Variants in IFT52 observed in about 807,000 individuals in gnomAD.
IFT52 encodes intraflagellar transport protein 52 homolog.
Under a neutral mutation model 54.4 loss-of-function variants are expected in IFT52, and 44 were observed. The observed-to-expected ratio is 0.81, with a 90% CI of 0.63 to 1.04. The LOEUF (loss-of-function observed/expected upper bound fraction) is 1.04. IFT52 is among the 50% of genes least tolerant of loss of function. The pLI is 0.00. For synonymous variants in IFT52, 181 were observed against 185.3 expected (o/e 0.98, Z 0.19); for missense variants, 452 against 523.6 (o/e 0.86, Z 1.33).
rs139536852 is a variant in IFT52, at chr20:43,601,979, C to T, written c.208-1781C>T. Among the ~76,000 whole-genome samples the T allele has an allele frequency of 2.1e-3, 326 of 152,148 alleles. 3 individuals are homozygous for T. Among genetic ancestry groups the T allele is most frequent in the African/African-American group, 7.4e-3 (308 of 41,514 alleles). ...AACGCTAGGGATCAAAGTCAAATAG[C>T]ACATGATCTCTCCACTCAAGGAACC... is the stretch of plus-strand genomic sequence containing the variant. On this transcript the variant is annotated intron_variant, in intron 3 of 13. Coordinates refer to ENST00000373030, the MANE Select transcript of IFT52 (RefSeq NM_016004.5).
intron 13 of IFT52, 74 bp from the exon 14 acceptor site, chr20:43,646,862 C>A: frequency 8.3e-7 from 1 of 1,210,714 alleles, no homozygotes; most frequent in Non-Finnish European, 1.2e-6. Flanking sequence ...CTCTAAAGTC[C>A]AAAGCACTGA....
intron 10 of IFT52, among the ~76,000 whole-genome samples, chr20:43,627,650 G>A (rs1984826864): frequency 6.6e-6 from 1 of 152,196 alleles, no homozygotes; most frequent in African/African-American, 2.4e-5. Flanking sequence ...AATGGATAAT[G>A]TAGGAGAGAG....
chr20:43,621,968 C>T (rs1327404315), intron 9 of IFT52, among the ~76,000 whole-genome samples: 1 of 152,222 alleles, frequency 6.6e-6, no homozygotes, highest in Non-Finnish European at 1.5e-5. Flanking sequence ...AAACTGAAAT[C>T]CTTCAAGATT....
intron 12 of IFT52, among the ~76,000 whole-genome samples, chr20:43,638,222 C>G (rs971814344): frequency 2.7e-5 from 4 of 150,928 alleles, no homozygotes; most frequent in Non-Finnish European, 5.9e-5. Flanking sequence ...CAAAGTTTCA[C>G]TCTTGTCGCC....
intron 10 of IFT52, 59 bp downstream of exon 10, chr20:43,624,104 A>T: frequency 5.8e-6 from 9 of 1,555,488 alleles, no homozygotes; most frequent in Non-Finnish European, 7.9e-6. Flanking sequence ...TTGGTTTGGA[A>T]ACATGAACCT....
intron 3 of IFT52, among the ~76,000 whole-genome samples, chr20:43,596,733 CTTCTT>C (rs1283462963): frequency 7.7e-6 from 1 of 130,338 alleles, no homozygotes; most frequent in East Asian, 2.3e-4. Context: ...ATTAGCCACA[CTTCTT>C]TTTTTTTTTT....
At position 43,639,584 on chromosome 20, in the gene IFT52, C is replaced by T. The variant is rs148447200; in HGVS notation, c.1120+2331C>T. ...ACTGGGGAGGCTGAGGCAGGAGAAT[C>T]GCTTGAACCCAGGAGTTGGAAGTTG... On this transcript the variant is annotated intron_variant, in intron 12 of 13. Coordinates refer to ENST00000373030, the MANE Select transcript of IFT52 (RefSeq NM_016004.5). Among the ~76,000 whole-genome samples the T allele has an allele frequency of 8.9e-3, 1,348 of 152,248 alleles. 18 individuals are homozygous for T. The highest frequency in any genetic ancestry group is 0.029 in the African/African-American group (1,221 of 41,544).
At chr20:43,613,386 TG>T (rs1336252429) in intron 6 of IFT52, among the ~76,000 whole-genome samples, 1 of 152,268 alleles carries the variant, frequency 6.6e-6, no homozygotes, top group Non-Finnish European at 1.5e-5. Context: ...TTTACTTTCA[TG>T]TTTTTTAAAA....
At position 43,635,548 on chromosome 20, in the gene IFT52, C is replaced by T. The variant is rs182578603; in HGVS notation, c.924-378C>T. Among the ~76,000 whole-genome samples the T allele has an allele frequency of 5.1e-3, 774 of 152,314 alleles. 6 individuals carry two copies. Among genetic ancestry groups the T allele is most frequent in the Non-Finnish European group, 7.4e-3 (505 of 68,020 alleles). ...TTGACCTCAGGTGATCCACCCACCT[C>T]GGCCTCCCAAAGTGCTAAGATTATA... is the stretch of plus-strand genomic sequence containing the variant. On this transcript the variant is annotated intron_variant, in intron 10 of 13. Coordinates refer to ENST00000373030, the MANE Select transcript of IFT52 (RefSeq NM_016004.5).
intron 3 of IFT52, 78 bp from the exon 4 acceptor site, chr20:43,603,682 T>C (rs1982626921): frequency 2.4e-6 from 3 of 1,272,232 alleles, no homozygotes; most frequent in African/African-American, 3.0e-5. Flanking sequence ...ATTTTTCATC[T>C]AGTTAAGGTC....
chr20:43,606,299 A>T lies in IFT52; in HGVS notation c.485+1226A>T, dbSNP rs1347597873. ...TTTTTTTTTTTTTTTTTTGAGATGG[A>T]GTCTCACTCTGTCACCCAGGCTGGA... On this transcript the variant is annotated intron_variant, in intron 6 of 13. Transcript: ENST00000373030. Among the ~76,000 whole-genome samples the T allele has an allele frequency of 6.0e-5, 8 of 132,450 alleles. No homozygotes were observed. The Admixed American group carries it at 6.4e-4, about 11-fold the overall frequency. The allele number at this position is 132,450 out of a possible 152,430, so 86.9% of individuals were successfully genotyped here.
At chr20:43,622,117 T>A (rs1405092110) in intron 9 of IFT52, among the ~76,000 whole-genome samples, 1 of 152,184 alleles carries the variant, frequency 6.6e-6, no homozygotes, top group African/African-American at 2.4e-5. Flanking sequence ...TGGCCATTGG[T>A]CATAGGAGGT....
At chr20:43,596,662 G>C in intron 3 of IFT52, 140 bp downstream of exon 3, 3 of 588,914 alleles carry the variant, frequency 5.1e-6, no homozygotes, top group Non-Finnish European at 3.1e-6. Flanking sequence ...TCATGGAGTT[G>C]TGATGATTAA....
chr20:43,603,197 C>T (rs1982592809), intron 3 of IFT52, among the ~76,000 whole-genome samples: 1 of 152,032 alleles, frequency 6.6e-6, no homozygotes, highest in South Asian at 2.1e-4. Flanking sequence ...AGAGAGCTTC[C>T]AGGAGATAAG....
intron 3 of IFT52, among the ~76,000 whole-genome samples, chr20:43,599,809 CA>C (rs1333936688): frequency 1.3e-5 from 2 of 152,136 alleles, no homozygotes; most frequent in Non-Finnish European, 2.9e-5. Context: ...TGACGCATTA[CA>C]CTAGCTTTGT....
chr20:43,599,007 T>G (rs1982218032), intron 3 of IFT52, among the ~76,000 whole-genome samples: 1 of 152,100 alleles, frequency 6.6e-6, no homozygotes, highest in Admixed American at 6.5e-5. Flanking sequence ...GTTTCTCAAT[T>G]TGATTGCAAA....
At chr20:43,597,661 A>C (rs548453856) in intron 3 of IFT52, among the ~76,000 whole-genome samples, 4 of 152,290 alleles carry the variant, frequency 2.6e-5, no homozygotes, top group Admixed American at 2.6e-4. Flanking sequence ...TGGGAGGCTG[A>C]GAAGGGTGGA....
intron 12 of IFT52, among the ~76,000 whole-genome samples, chr20:43,639,585 G>GC (rs1247877206): frequency 1.3e-5 from 2 of 152,086 alleles, no homozygotes; most frequent in Non-Finnish European, 2.9e-5. Context: ...CAGGAGAATC[G>GC]CTTGAACCCA....
chr20:43,614,809 C>A (rs997756615), intron 7 of IFT52, among the ~76,000 whole-genome samples: 2 of 134,966 alleles, frequency 1.5e-5, no homozygotes, highest in Non-Finnish European at 1.6e-5. Context: ...CTTTCTTTTT[C>A]TTTTTTTTTT....
Sources: allele counts gnomAD v4.1 joint callset (sites outside exome capture counted in the v4.1 genomes callset), GRCh38; gene constraint gnomAD v4.1.1; transcripts MANE v1.5; gene names NCBI Gene and HGNC (gene_info 2026-07-23, HGNC 2026-07-21).